The following CELF4 variants were observed in gnomAD, a reference collection of about 807,000 sequenced individuals.
CELF4 encodes the protein CUG-BP- and ETR-3-like factor 4.
CELF4 carries 18 observed loss-of-function variants against 59.9 expected under a neutral mutation model. The ratio of observed to expected loss-of-function variants is 0.30; its 90% confidence interval spans 0.21 to 0.45. The LOEUF (loss-of-function observed/expected upper bound fraction) is 0.45. Ranked by LOEUF, CELF4 falls within the 20% of genes least tolerant of loss-of-function variation. CELF4 has a pLI of 1.00. For synonymous variants in CELF4, 261 were observed against 267.1 expected (o/e 0.98, Z 0.22); for missense variants, 456 against 689.0 (o/e 0.66, Z 3.79).
intron 3 of CELF4, among the ~76,000 whole-genome samples, chr18:37,283,745 T>G (rs1357074149): frequency 6.6e-6 from 1 of 151,638 alleles, no homozygotes; most frequent in Admixed American, 6.6e-5. Context: ...ATGAGCCCTG[T>G]AGGTATGAGG....
At chr18:37,273,428 ACTGGC>A in intron 6 of CELF4, 3 of 1,201,984 alleles carry the variant, frequency 2.5e-6, no homozygotes, top group Admixed American at 4.0e-5. Flanking sequence ...AGAGGAGGAG[ACTGGC>A]TCTGTGGGTG....
At chr18:37,380,603 C>T (rs2099025830) in intron 2 of CELF4, among the ~76,000 whole-genome samples, 1 of 151,696 alleles carries the variant, frequency 6.6e-6, no homozygotes, top group Non-Finnish European at 1.5e-5. Context: ...TCCATTCATC[C>T]ACCATTCATC....
intron 1 of CELF4, among the ~76,000 whole-genome samples, chr18:37,560,042 G>T (rs2099986074): frequency 6.6e-6 from 1 of 152,206 alleles, no homozygotes; most frequent in Non-Finnish European, 1.5e-5. Context: ...CAAACATCCA[G>T]CCAATTGGAG....
intron 1 of CELF4, among the ~76,000 whole-genome samples, chr18:37,512,865 T>C (rs1486895520): frequency 6.6e-6 from 1 of 152,076 alleles, no homozygotes; most frequent in African/African-American, 2.4e-5. Context: ...TCTCTCCTCC[T>C]CCTCCTTCTC....
chr18:37,529,005 C>T (rs1186264046), intron 1 of CELF4: 1 of 152,022 alleles, frequency 6.6e-6, no homozygotes, highest in African/African-American at 2.4e-5. Flanking sequence ...TTTTTTACCC[C>T]AAATTGCTAC....
At chr18:37,335,840 A>G (rs891785473) in intron 2 of CELF4, among the ~76,000 whole-genome samples, 1 of 151,922 alleles carries the variant, frequency 6.6e-6, no homozygotes, top group Non-Finnish European at 1.5e-5. Flanking sequence ...TTTCCTCAAT[A>G]CATGCTGAAT....
intron 4 of CELF4, 89 bp from the exon 5 acceptor site, chr18:37,274,973 C>A: frequency 6.5e-7 from 1 of 1,545,222 alleles, no homozygotes; most frequent in East Asian, 2.3e-5. Context: ...TGAACGCAGA[C>A]GGGTGAGGCA....
intron 2 of CELF4, among the ~76,000 whole-genome samples, chr18:37,349,275 C>A (rs544068917): frequency 6.6e-6 from 1 of 152,312 alleles, no homozygotes; most frequent in Non-Finnish European, 1.5e-5. Flanking sequence ...GATGTCCCTC[C>A]TATCTGTGGG....
At chr18:37,352,855 AGGTGC>A (rs2098469757) in intron 2 of CELF4, among the ~76,000 whole-genome samples, 2 of 152,086 alleles carry the variant, frequency 1.3e-5, no homozygotes, top group East Asian at 3.9e-4. Flanking sequence ...ACAGACACCA[AGGTGC>A]AGAGTGGGAC....
chr18:37,374,695 C>T lies in CELF4; in HGVS notation c.370-52814G>A, dbSNP rs546640411. On this transcript the variant is annotated intron_variant, in intron 2 of 12. Transcript: ENST00000420428. ...GATGGAAAAGCCTTAGGAAGACCATCGTGTCCCTTCTTGCCCGGTTCCTTC... is the reference window on the plus strand; with the variant it reads ...GATGGAAAAGCCTTAGGAAGACCATTGTGTCCCTTCTTGCCCGGTTCCTTC... Among the ~76,000 whole-genome samples, 4 of 152,292 alleles carry T rather than the reference C, an allele frequency of 2.6e-5. No homozygotes were observed. In the South Asian group the frequency reaches 6.2e-4, roughly 24 times the overall value.
intron 2 of CELF4, among the ~76,000 whole-genome samples, chr18:37,478,810 C>T (rs1438814478): frequency 1.3e-5 from 2 of 152,182 alleles, no homozygotes; most frequent in East Asian, 1.9e-4. Flanking sequence ...TCTCTTGGAA[C>T]CTTGGTGTTC....
At chr18:37,423,957 C>T (rs1242024360) in intron 2 of CELF4, among the ~76,000 whole-genome samples, 1 of 152,050 alleles carries the variant, frequency 6.6e-6, no homozygotes, top group Non-Finnish European at 1.5e-5. Context: ...TCCTTATCCA[C>T]CCTTCTAAGT....
At chr18:37,514,864 G>A (rs536013526) in intron 1 of CELF4, among the ~76,000 whole-genome samples, 2 of 151,370 alleles carry the variant, frequency 1.3e-5, no homozygotes, top group African/African-American at 4.8e-5. Context: ...TGGACCGGGT[G>A]GAAATTAAAA....
chr18:37,470,836 CTGTGTGTGTGTGTGTGTGTGTG>C (rs71381583), intron 2 of CELF4, among the ~76,000 whole-genome samples: 335 of 93,202 alleles, frequency 3.6e-3, no homozygotes, highest in African/African-American at 0.014. Context: ...CTTCATGACT[CTGTGTGTGTGTGTGTGTGTGTG>C]TGTGTGTGTG....
At chr18:37,255,502 T>C (rs2068702581) in intron 11 of CELF4, among the ~76,000 whole-genome samples, 2 of 151,112 alleles carry the variant, frequency 1.3e-5, no homozygotes, top group Non-Finnish European at 2.9e-5. Context: ...GATACCAGAA[T>C]AAATAGGGAG....
chr18:37,281,071 G>A (rs930597894), intron 3 of CELF4, among the ~76,000 whole-genome samples: 2 of 152,168 alleles, frequency 1.3e-5, no homozygotes, highest in Non-Finnish European at 2.9e-5. Context: ...GATGGGGCTC[G>A]GGCTGAAAGG....
intron 1 of CELF4, among the ~76,000 whole-genome samples, chr18:37,506,742 C>T (rs985892703): frequency 2.6e-5 from 4 of 152,332 alleles, no homozygotes; most frequent in South Asian, 2.1e-4. Context: ...ACGGCAGCAG[C>T]GCCATTAAAC....
intron 1 of CELF4, among the ~76,000 whole-genome samples, chr18:37,497,455 C>T (rs911517582): frequency 2.0e-5 from 3 of 152,122 alleles, no homozygotes; most frequent in Non-Finnish European, 4.4e-5. Flanking sequence ...AGTTCAAGAC[C>T]AGCCTGACCA....
At chr18:37,498,340 C>T (rs956329758) in intron 1 of CELF4, among the ~76,000 whole-genome samples, 136 of 136,632 alleles carry the variant, frequency 1.0e-3, no homozygotes, top group African/African-American at 3.4e-3. Context: ...CCTCTTCTTC[C>T]CTTCCCTTCC....
Sources: allele counts gnomAD v4.1 joint callset (sites outside exome capture counted in the v4.1 genomes callset), GRCh38; gene constraint gnomAD v4.1.1; transcripts MANE v1.5; gene names NCBI Gene and HGNC (gene_info 2026-07-23, HGNC 2026-07-21).